LDHC: variants seen among roughly 807,000 people sequenced by gnomAD.
The protein encoded by LDHC is lactate dehydrogenase C, also known as L-lactate dehydrogenase C chain.
Under a neutral mutation model 30.2 loss-of-function variants are expected in LDHC, and 20 were observed. The ratio of observed to expected loss-of-function variants is 0.66; its 90% CI spans 0.47 to 0.96. LDHC has a LOEUF of 0.96. Ranked by LOEUF, LDHC falls within the 40% of genes least tolerant of loss-of-function variation. The probability of loss-of-function intolerance (pLI) is 0.00; values close to 1 mark genes in which losing one functional copy is unlikely to be tolerated. For missense variants in LDHC, 362 were observed against 394.9 expected (o/e 0.92, Z 0.71); for synonymous variants, 139 against 132.7 (o/e 1.05, Z -0.32).
chr11:18,412,965 T>TCCTCCCTC (rs1199635014), intron 2 of LDHC, 122 bp downstream of exon 2: 41 of 467,750 alleles, frequency 8.8e-5, no homozygotes, highest in African/African-American at 2.7e-4. Context: ...CTTTGACCTT[T>TCCTCCCTC]CCTCCCTCCC....
At position 18,451,781 on chromosome 11, in the gene LDHC, C is replaced by T. The variant is rs1486527190; in HGVS notation, c.*654C>T. 3 of 152,244 alleles carry T rather than the reference C, an allele frequency of 2.0e-5. No homozygotes were observed. The East Asian group carries it at 5.8e-4, about 29-fold the overall frequency. The allele number at this position is 152,244 out of a possible 1,614,324, so 9.4% of individuals were successfully genotyped here. ...CCTTGGCAACATAGCAACACCCCAT[C>T]TCTACAAAAATAAAGAAATTAGATG... On this transcript the variant is annotated 3_prime_UTR_variant, in exon 8 of 8. Coordinates refer to ENST00000541669, the MANE Select transcript of LDHC (RefSeq NM_017448.5).
Position 18,412,342 on chromosome 11 carries a change from A to T in LDHC, c.-76A>T, listed in dbSNP as rs3740714. On this transcript the variant is annotated 5_prime_UTR_variant, in exon 1 of 8. Transcript: ENST00000541669. ...CGAGTCGCACGGAGGGCAACCGTCGACGGGCTTAGCGCCTCAACTGTCGTT... is the reference window on the plus strand; with the variant it reads ...CGAGTCGCACGGAGGGCAACCGTCGTCGGGCTTAGCGCCTCAACTGTCGTT... 6.2e-3 allele frequency: 1,014 copies of T among 164,692 alleles called. 36 individuals are homozygous for T. Among genetic ancestry groups the T allele is most frequent in the Admixed American group, 0.048 (798 of 16,752 alleles). 10.2% of individuals were successfully genotyped at this position (164,692 alleles called of 1,614,324 possible).
Position 18,429,808 on chromosome 11 carries a change from C to G in LDHC, c.316C>G (p.Arg106Gly), listed in dbSNP as rs768339569. 21 of 1,611,292 alleles carry G rather than the reference C, an allele frequency of 1.3e-5. No homozygotes were observed. The highest frequency in any genetic ancestry group is 1.7e-5 in the Non-Finnish European group (20 of 1,177,618). Residue 106 changes from arginine (R) to glycine (G), a missense_variant, in exon 4 of 8, where the codon CGC becomes GGC. Coordinates refer to ENST00000541669, the MANE Select transcript of LDHC (RefSeq NM_017448.5). The stretch of plus-strand genomic sequence containing the variant: ...TGCAAGGCAGCAGGAGGGAGAAACT[C>G]GCCTTGCCCTGGTCCAACGTAATGT... ...AGARQQEGET[R>G]LALVQRNVAI...
intron 6 of LDHC, among the ~76,000 whole-genome samples, chr11:18,443,309 C>T (rs1224125834): frequency 6.6e-6 from 1 of 152,142 alleles, no homozygotes; most frequent in Non-Finnish European, 1.5e-5. Context: ...ACCCCCCACC[C>T]ACTAAGGAAC....
intron 3 of LDHC, among the ~76,000 whole-genome samples, chr11:18,421,875 G>A (rs1035095523): frequency 6.6e-6 from 1 of 152,118 alleles, no homozygotes; most frequent in Non-Finnish European, 1.5e-5. Flanking sequence ...TGTAGTCTCA[G>A]CACTTTGGGA....
chr11:18,437,876 C>A (rs1313734093), intron 5 of LDHC, among the ~76,000 whole-genome samples: 1 of 151,688 alleles, frequency 6.6e-6, no homozygotes. Flanking sequence ...ACCAGCCTGG[C>A]CAACATAGCG....
chr11:18,443,922 A>G (rs887837767), intron 6 of LDHC, among the ~76,000 whole-genome samples: 1 of 152,180 alleles, frequency 6.6e-6, no homozygotes, highest in Non-Finnish European at 1.5e-5. Flanking sequence ...AAATTAAATT[A>G]TTTGCCTCTT....
intron 6 of LDHC, among the ~76,000 whole-genome samples, chr11:18,445,897 C>A (rs1000271672): frequency 5.3e-5 from 8 of 152,086 alleles, no homozygotes; most frequent in African/African-American, 1.7e-4. Context: ...ATCGCATAAG[C>A]CCAGGAGGTG....
chr11:18,432,606 A>T (rs1406461095), intron 4 of LDHC, among the ~76,000 whole-genome samples: 5 of 152,110 alleles, frequency 3.3e-5, no homozygotes, highest in African/African-American at 1.2e-4. Flanking sequence ...CTTATTTCTT[A>T]GGTTTATTAG....
chr11:18,428,166 C>CTTTTTTT lies in LDHC; in HGVS notation c.245-1554_245-1548dup, dbSNP rs35861956. ...CATTTTCTTTTCTTTCTTTCTCTCT[C>CTTTTTTT]TTTTTTTTTTTTTTTTTTTTTTTGA... On this transcript the variant is annotated intron_variant, in intron 3 of 7. Transcript: ENST00000541669. Among the ~76,000 whole-genome samples, 90 of 94,840 alleles carry CTTTTTTT rather than the reference C, an allele frequency of 9.5e-4. 3 individuals carry two copies. Among genetic ancestry groups the CTTTTTTT allele is most frequent in the Admixed American group, 1.4e-3 (10 of 7,344 alleles). The allele number at this position is 94,840 out of a possible 152,430, so 62.2% of individuals were successfully genotyped here. A position where few individuals can be genotyped will look rare whatever the true frequency, so the allele number is the denominator to read the frequency against.
chr11:18,413,797 G>A lies in LDHC; in HGVS notation c.126+954G>A, dbSNP rs966008584. On this transcript the variant is annotated intron_variant, in intron 2 of 7. Coordinates refer to ENST00000541669, the MANE Select transcript of LDHC (RefSeq NM_017448.5). The stretch of plus-strand genomic sequence containing the variant: ...CTTTTACTTCTTTCCCTTACTGTTC[G>A]CTTTTGGAATCTGGCTATTGAAATC... Among the ~76,000 whole-genome samples, 4 of 152,038 alleles carry A rather than the reference G, an allele frequency of 2.6e-5. No individual in the cohort carries two copies. The South Asian group carries it at 6.2e-4, about 24-fold the overall frequency.
rs1397509843 is a variant in LDHC at position 18,412,756 on chromosome 11, T to A, written c.39T>A (p.Ile13=). Residue 13 remains isoleucine, a synonymous_variant, in exon 2 of 8, where the codon ATT becomes ATA. Transcript: ENST00000541669. ...AGGAGCAGCTAATTGAGAAGCTAAT[T>A]GAGGATGATGAAAACTCCCAGTGTA... ...TVKEQLIEKL[I]EDDENSQCKI... The A allele has an allele frequency of 6.2e-7, 1 of 1,614,034 alleles. No homozygotes were observed. Among genetic ancestry groups the A allele is most frequent in the Non-Finnish European group, 8.5e-7 (1 of 1,179,864 alleles).
At chr11:18,421,462 C>T (rs1023267418) in intron 3 of LDHC, among the ~76,000 whole-genome samples, 2 of 152,020 alleles carry the variant, frequency 1.3e-5, no homozygotes, top group East Asian at 1.9e-4. Context: ...CACTTGAGGT[C>T]AGGAGTTTGA....
chr11:18,446,494 C>T (rs1170706672), intron 7 of LDHC, among the ~76,000 whole-genome samples, 161 bp downstream of exon 7: 1 of 152,134 alleles, frequency 6.6e-6, no homozygotes, highest in Non-Finnish European at 1.5e-5. Flanking sequence ...GATACCTTGA[C>T]CTAAGGAAGG....
intron 3 of LDHC, among the ~76,000 whole-genome samples, chr11:18,429,116 C>CTTT (rs36038254): frequency 0.046 from 4,284 of 93,850 alleles, 322 homozygotes; most frequent in Non-Finnish European, 0.062. Context: ...TCATTTTGGT[C>CTTT]TTTTTTTTTT....
intron 3 of LDHC, among the ~76,000 whole-genome samples, chr11:18,427,217 A>G (rs947557540): frequency 4.0e-5 from 6 of 151,832 alleles, no homozygotes; most frequent in African/African-American, 1.2e-4. Context: ...TTAGCCGGGC[A>G]TGGTGGTGGG....
chr11:18,435,431 G>A (rs1268774647), intron 5 of LDHC, among the ~76,000 whole-genome samples: 1 of 151,646 alleles, frequency 6.6e-6, no homozygotes, highest in Non-Finnish European at 1.5e-5. Context: ...CCCCGCTGTA[G>A]CCATATAAGA....
intron 6 of LDHC, among the ~76,000 whole-genome samples, chr11:18,440,116 A>T (rs1848438033): frequency 1.4e-5 from 2 of 146,284 alleles, no homozygotes; most frequent in South Asian, 4.3e-4. Context: ...CCTGGCCAAT[A>T]TGGTGAAACT....
chr11:18,428,793 T>G (rs1215842645), intron 3 of LDHC, among the ~76,000 whole-genome samples: 1 of 151,708 alleles, frequency 6.6e-6, no homozygotes, highest in Non-Finnish European at 1.5e-5. Context: ...GAGAATCTCT[T>G]GAACCTGAGT....
Sources: gnomAD v4.1 joint callset for allele counts (sites outside exome capture counted in the v4.1 genomes callset) on GRCh38, gnomAD v4.1.1 for gene constraint, MANE v1.5 for transcripts, NCBI Gene and HGNC (gene_info 2026-07-23, HGNC 2026-07-21) for gene names.